DPH6: variants seen among roughly 807,000 people sequenced by gnomAD.
The protein encoded by DPH6 is diphthamine biosynthesis 6.
In DPH6, 33 loss-of-function variants were observed where a neutral mutation model predicts 38.2. The ratio of observed to expected loss-of-function variants is 0.86; its 90% CI spans 0.65 to 1.15. The LOEUF is 1.15. Ranked by LOEUF, DPH6 falls within the 50% of genes most tolerant of loss-of-function variation. The pLI, the probability that DPH6 is intolerant of heterozygous loss-of-function variation, is 0.00. For missense variants in DPH6, 325 were observed against 320.0 expected (o/e 1.02, Z -0.12); for synonymous variants, 108 against 103.0 (o/e 1.05, Z -0.30).
At chr15:35,233,901 C>T (rs2051535097) in intron 3 of DPH6, among the ~76,000 whole-genome samples, 2 of 152,186 alleles carry the variant, frequency 1.3e-5, no homozygotes, top group African/African-American at 4.8e-5. Flanking sequence ...CAAACATCAC[C>T]TTTCAGATAA....
At chr15:35,361,213 A>C (rs548912753) in intron 3 of DPH6, among the ~76,000 whole-genome samples, 1 of 152,286 alleles carries the variant, frequency 6.6e-6, no homozygotes, top group Admixed American at 6.5e-5. Flanking sequence ...GGCCCTCCAA[A>C]GTCTTGGGCA....
At chr15:35,250,664 T>C (rs1442402040) in intron 3 of DPH6, among the ~76,000 whole-genome samples, 2 of 152,076 alleles carry the variant, frequency 1.3e-5, no homozygotes, top group East Asian at 3.8e-4. Context: ...CTACTATGCA[T>C]CCATTCTGGG....
At chr15:35,460,682 G>A (rs2054054649) in intron 3 of DPH6, among the ~76,000 whole-genome samples, 2 of 152,234 alleles carry the variant, frequency 1.3e-5, no homozygotes, top group South Asian at 4.1e-4. Context: ...GTAAATATCG[G>A]ACATTAACAG....
At chr15:35,205,885 T>A in the DPH6 span, among the ~76,000 whole-genome samples, 1 of 152,132 alleles carries the variant, frequency 6.6e-6, no homozygotes, top group African/African-American at 2.4e-5. Context: ...TCGGGCAATA[T>A]GTATTGATTC....
intron 1 of DPH6, among the ~76,000 whole-genome samples, chr15:35,543,827 C>T (rs1353994002): frequency 6.6e-6 from 1 of 152,130 alleles, no homozygotes; most frequent in Non-Finnish European, 1.5e-5. Flanking sequence ...CATATCGAAC[C>T]TTACTGCTCT....
At chr15:35,272,856 G>A (rs986095281) in intron 3 of DPH6, among the ~76,000 whole-genome samples, 14 of 151,626 alleles carry the variant, frequency 9.2e-5, no homozygotes, top group South Asian at 4.2e-4. Flanking sequence ...GCAGTGAGCC[G>A]AGATCGCACC....
At chr15:35,224,805 T>C (rs1805109182) in intron 3 of DPH6, among the ~76,000 whole-genome samples, 1 of 152,188 alleles carries the variant, frequency 6.6e-6, no homozygotes, top group Non-Finnish European at 1.5e-5. Context: ...TAAGGACACT[T>C]TGTACTTTGA....
At chr15:35,201,095 A>G in the DPH6 span, among the ~76,000 whole-genome samples, 6,518 of 147,978 alleles carry the variant, frequency 0.044, 374 homozygotes, top group East Asian at 0.3. Flanking sequence ...CTCATACTGT[A>G]TAAATATTTT....
chr15:35,346,980 G>A (rs994419178), intron 3 of DPH6, among the ~76,000 whole-genome samples: 64 of 151,360 alleles, frequency 4.2e-4, no homozygotes, highest in Middle Eastern at 3.5e-3. Context: ...AATTTTTTTT[G>A]TTACCCTCCC....
At chr15:35,237,954 A>T in intron 3 of DPH6, 2 of 1,419,056 alleles carry the variant, frequency 1.4e-6, no homozygotes, top group South Asian at 2.3e-5. Flanking sequence ...GAAAAAGGTT[A>T]TAACGATGGA....
intron 3 of DPH6, among the ~76,000 whole-genome samples, chr15:35,278,503 G>A (rs528703276): frequency 9.9e-5 from 15 of 152,216 alleles, no homozygotes; most frequent in Admixed American, 7.2e-4. Flanking sequence ...CCAAGGGGAC[G>A]TGTGAGGTTG....
chr15:35,192,780 T>C, the DPH6 span, among the ~76,000 whole-genome samples: 3 of 152,364 alleles, frequency 2.0e-5, no homozygotes, highest in Admixed American at 6.5e-5. Flanking sequence ...TTTGTATGCA[T>C]CTATAACATC....
At chr15:35,150,650 T>C in the DPH6 span, among the ~76,000 whole-genome samples, 1 of 152,246 alleles carries the variant, frequency 6.6e-6, no homozygotes. Flanking sequence ...CCTACCTCAA[T>C]GTGCAAACTT....
At chr15:35,360,867 T>C (rs2052608422) in intron 3 of DPH6, among the ~76,000 whole-genome samples, 1 of 151,812 alleles carries the variant, frequency 6.6e-6, no homozygotes, top group South Asian at 2.1e-4. Flanking sequence ...TGTACACAAT[T>C]GGGTGTGAGG....
intron 3 of DPH6, among the ~76,000 whole-genome samples, chr15:35,467,948 T>C (rs1198623113): frequency 6.6e-6 from 1 of 152,208 alleles, no homozygotes; most frequent in East Asian, 1.9e-4. Flanking sequence ...TTCAGTTCCA[T>C]TATAATCTTA....
In DPH6 at chr15:35,243,708, C is replaced by T. The variant is rs190237857; in HGVS notation, n.201-23126G>A. Reference sequence around the variant, plus strand: ...CATTACCTTCCCAAATCCTATAAAACGGCCCCACCCTTATCTCCCTTTGCT... The same window carrying T: ...CATTACCTTCCCAAATCCTATAAAATGGCCCCACCCTTATCTCCCTTTGCT... On this transcript the variant is annotated intron_variant and non_coding_transcript_variant, in intron 3 of 3. Coordinates refer to the DPH6 transcript ENST00000560386. 7.8e-3 allele frequency among the ~76,000 whole-genome samples: 1,176 copies of T among 150,284 alleles called. 7 individuals are homozygous for T. The highest frequency in any genetic ancestry group is 0.012 in the Non-Finnish European group (794 of 67,718).
intron 3 of DPH6, among the ~76,000 whole-genome samples, chr15:35,265,760 C>T (rs1158733078): frequency 6.6e-6 from 1 of 151,982 alleles, no homozygotes; most frequent in Admixed American, 6.5e-5. Context: ...AAATATGAAA[C>T]CAATGCAAAA....
intron 6 of DPH6, 147 bp downstream of exon 6, chr15:35,410,688 C>T: frequency 8.2e-6 from 5 of 612,148 alleles, no homozygotes; most frequent in East Asian, 3.5e-5. Flanking sequence ...TTTTCATTTC[C>T]ATTTGAAGTT....
At chr15:35,237,401 A>C in intron 3 of DPH6, 1 of 1,604,948 alleles carries the variant, frequency 6.2e-7, no homozygotes, top group Non-Finnish European at 8.5e-7. Context: ...TGTCCTGGAC[A>C]ACAGTCGGTC....
Sources: allele counts gnomAD v4.1 joint callset (sites outside exome capture counted in the v4.1 genomes callset), GRCh38; gene constraint gnomAD v4.1.1; transcripts MANE v1.5; gene names NCBI Gene and HGNC (gene_info 2026-07-23, HGNC 2026-07-21).